The following ANKRD6 variants were observed in gnomAD, a reference collection of about 807,000 sequenced individuals.
The protein encoded by ANKRD6 is ankyrin repeat domain-containing protein 6.
Under a neutral mutation model 82.3 loss-of-function variants are expected in ANKRD6, and 56 were observed. The ratio of observed to expected loss-of-function variants is 0.68; its 90% CI spans 0.55 to 0.85. The LOEUF (loss-of-function observed/expected upper bound fraction) is 0.85. Ranked by LOEUF, ANKRD6 falls within the 40% of genes least tolerant of loss-of-function variation. The pLI is 0.00. For missense variants in ANKRD6, 852 were observed against 907.6 expected (o/e 0.94, Z 0.79); for synonymous variants, 347 against 352.1 (o/e 0.99, Z 0.16).
intron 1 of ANKRD6, among the ~76,000 whole-genome samples, chr6:89,543,223 G>A (rs373470507): frequency 4.6e-5 from 7 of 152,180 alleles, no homozygotes; most frequent in Admixed American, 3.3e-4. Context: ...ATTATTCCAG[G>A]GACAACATAC....
chr6:89,520,708 C>A (rs1304230175), intron 1 of ANKRD6, among the ~76,000 whole-genome samples: 2 of 152,234 alleles, frequency 1.3e-5, no homozygotes, highest in Non-Finnish European at 2.9e-5. Context: ...TTTAAAAAGA[C>A]AGCCAATAAT....
At chr6:89,621,864 C>G (rs746290353) in intron 9 of ANKRD6, 58 bp from the exon 10 acceptor site, 4 of 1,537,808 alleles carry the variant, frequency 2.6e-6, no homozygotes, top group Non-Finnish European at 2.7e-6. Context: ...AAGGAGAATT[C>G]TCTCACACAG....
At chr6:89,585,032 C>T (rs1263984256) in intron 2 of ANKRD6, among the ~76,000 whole-genome samples, 1 of 152,142 alleles carries the variant, frequency 6.6e-6, no homozygotes, top group Non-Finnish European at 1.5e-5. Flanking sequence ...AATACCATCA[C>T]GTTGAAAGTT....
At chr6:89,538,917 A>C (rs1243119679) in intron 1 of ANKRD6, among the ~76,000 whole-genome samples, 2 of 152,226 alleles carry the variant, frequency 1.3e-5, no homozygotes, top group African/African-American at 2.4e-5. Context: ...AAAAACTTGA[A>C]AGAACAGAGT....
chr6:89,523,510 T>G (rs1186014641), intron 1 of ANKRD6, among the ~76,000 whole-genome samples: 1 of 152,210 alleles, frequency 6.6e-6, no homozygotes, highest in African/African-American at 2.4e-5. Flanking sequence ...GGGCAGTTCT[T>G]TATGTGTTTA....
chr6:89,603,185 G>T (rs554549572), intron 4 of ANKRD6, 58 bp downstream of exon 4: 10 of 1,491,166 alleles, frequency 6.7e-6, no homozygotes, highest in Non-Finnish European at 9.1e-6. Flanking sequence ...TGGCTCAGGG[G>T]AGCTGGAGGA....
At chr6:89,522,674 C>T (rs1445769183) in intron 1 of ANKRD6, among the ~76,000 whole-genome samples, 1 of 152,136 alleles carries the variant, frequency 6.6e-6, no homozygotes, top group East Asian at 1.9e-4. Context: ...GCAGTTTACA[C>T]CTGTGGCTTG....
intron 1 of ANKRD6, among the ~76,000 whole-genome samples, chr6:89,565,817 G>A (rs564755936): frequency 1.3e-5 from 2 of 152,312 alleles, no homozygotes; most frequent in African/African-American, 2.4e-5. Flanking sequence ...GTATGTACTA[G>A]TATTTTTAAT....
chr6:89,517,337 A>G (rs370426644), intron 1 of ANKRD6, among the ~76,000 whole-genome samples: 1 of 152,254 alleles, frequency 6.6e-6, no homozygotes, highest in African/African-American at 2.4e-5. Context: ...TTCAGAATAA[A>G]TTGGTGGAAT....
chr6:89,493,026 C>T (rs906284935), intron 1 of ANKRD6, among the ~76,000 whole-genome samples: 1 of 152,124 alleles, frequency 6.6e-6, no homozygotes, highest in Non-Finnish European at 1.5e-5. Flanking sequence ...ATAATTCAAG[C>T]TTGTTGTAAA....
chr6:89,618,059 C>G, intron 9 of ANKRD6, 28 bp downstream of exon 9: 1 of 1,611,644 alleles, frequency 6.2e-7, no homozygotes, highest in Non-Finnish European at 8.5e-7. Context: ...TTCCATGGTA[C>G]TGATTATGCG....
At chr6:89,476,172 TG>T (rs1776008101) in intron 1 of ANKRD6, among the ~76,000 whole-genome samples, 2 of 152,122 alleles carry the variant, frequency 1.3e-5, no homozygotes, top group South Asian at 4.1e-4. Context: ...TTTGTGTTTT[TG>T]TTTTTTTGTT....
At chr6:89,462,842 T>C (rs1774355740) in intron 1 of ANKRD6, among the ~76,000 whole-genome samples, 1 of 151,906 alleles carries the variant, frequency 6.6e-6, no homozygotes. Flanking sequence ...CCCCTATGTA[T>C]TGACCACCAA....
intron 1 of ANKRD6, chr6:89,508,773 T>C (rs1199656448): frequency 6.6e-6 from 1 of 152,236 alleles, no homozygotes; most frequent in Non-Finnish European, 1.5e-5. Flanking sequence ...TTTGCTCTAC[T>C]GGGAGATTTT....
At chr6:89,455,563 G>A (rs1187971871) in intron 1 of ANKRD6, among the ~76,000 whole-genome samples, 1 of 152,142 alleles carries the variant, frequency 6.6e-6, no homozygotes, top group Non-Finnish European at 1.5e-5. Flanking sequence ...GGTGGGAGGT[G>A]ATTGGATCAT....
intron 2 of ANKRD6, among the ~76,000 whole-genome samples, chr6:89,571,792 A>C (rs1452404554): frequency 6.6e-6 from 1 of 152,212 alleles, no homozygotes; most frequent in Non-Finnish European, 1.5e-5. Flanking sequence ...CAAAGTCCAT[A>C]GTTTACATTA....
intron 1 of ANKRD6, among the ~76,000 whole-genome samples, chr6:89,544,877 C>T (rs1393718728): frequency 6.6e-6 from 1 of 152,054 alleles, no homozygotes; most frequent in Non-Finnish European, 1.5e-5. Context: ...GAGGTCTTTA[C>T]AGGATTTCTA....
intron 2 of ANKRD6, among the ~76,000 whole-genome samples, chr6:89,579,171 T>C (rs1791860292): frequency 6.6e-6 from 1 of 152,254 alleles, no homozygotes; most frequent in South Asian, 2.1e-4. Context: ...ATTTACTAGC[T>C]CTATGGTCTT....
chr6:89,488,738 T>C (rs1424370601), intron 1 of ANKRD6, among the ~76,000 whole-genome samples: 1 of 152,236 alleles, frequency 6.6e-6, no homozygotes, highest in Non-Finnish European at 1.5e-5. Flanking sequence ...TGACTCATTT[T>C]GATCAAGAAC....
Sources: allele counts gnomAD v4.1 joint callset (sites outside exome capture counted in the v4.1 genomes callset), GRCh38; gene constraint gnomAD v4.1.1; transcripts MANE v1.5; gene names NCBI Gene and HGNC (gene_info 2026-07-23, HGNC 2026-07-21).